The following RBFOX1 variants were observed in gnomAD, a reference collection of about 807,000 sequenced individuals.
The protein encoded by RBFOX1 is RNA binding fox-1 homolog 1, also known as RNA binding protein fox-1 homolog 1.
A neutral mutation model predicts 57.7 loss-of-function variants in RBFOX1; 8 were observed. That is an observed-to-expected ratio of 0.14 (90% CI 0.08 to 0.25). The LOEUF is 0.25. Among genes scored for constraint, RBFOX1 ranks in the 10% least tolerant of loss-of-function variants. The pLI, the probability that RBFOX1 is intolerant of heterozygous loss-of-function variation, is 1.00. For synonymous variants in RBFOX1, 326 were observed against 222.4 expected (o/e 1.47, Z -4.15); for missense variants, 611 against 548.5 (o/e 1.11, Z -1.14).
chr16:5,391,030 G>T (rs1348066361), intron 1 of RBFOX1, among the ~76,000 whole-genome samples: 2 of 152,156 alleles, frequency 1.3e-5, no homozygotes, highest in African/African-American at 2.4e-5. Flanking sequence ...AACCAACAGG[G>T]TACAGTGTCT....
chr16:5,480,052 G>A (rs979901905), intron 2 of RBFOX1, among the ~76,000 whole-genome samples: 4 of 152,106 alleles, frequency 2.6e-5, no homozygotes, highest in African/African-American at 9.7e-5. Flanking sequence ...GTGGTGTTCT[G>A]CATCCAGGCT....
At chr16:7,603,284 T>G (rs530361639) in intron 9 of RBFOX1, among the ~76,000 whole-genome samples, 1 of 152,344 alleles carries the variant, frequency 6.6e-6, no homozygotes, top group East Asian at 1.9e-4. Context: ...TCCTTTAGTT[T>G]CTTTAGAGAA....
At position 5,945,034 on chromosome 16, in the gene RBFOX1, C is replaced by T. The variant is rs182527870; in HGVS notation, c.351+77699C>T. On this transcript the variant is annotated intron_variant, in intron 4 of 19. Transcript: ENST00000641259. ...GAGAGAGAAAACCATTCTCACCTCC[C>T]TTGCTGGGCTTCTTCTGGAGGGAGA... 2.1e-3 allele frequency among the ~76,000 whole-genome samples: 311 copies of T among 150,616 alleles called. 1 individual carries two copies. Among genetic ancestry groups the T allele is most frequent in the African/African-American group, 7.2e-3 (296 of 41,074 alleles).
intron 2 of RBFOX1, among the ~76,000 whole-genome samples, chr16:6,468,538 C>T (rs1258024085): frequency 1.3e-5 from 2 of 151,974 alleles, no homozygotes; most frequent in South Asian, 2.1e-4. Flanking sequence ...GGTATAGCAC[C>T]TTCTGTTTTA....
intron 1 of RBFOX1, among the ~76,000 whole-genome samples, chr16:6,059,454 A>T (rs906039032): frequency 6.6e-6 from 1 of 152,316 alleles, no homozygotes; most frequent in Middle Eastern, 3.4e-3. Context: ...TAAAGAAAAT[A>T]CATATAACAT....
At chr16:6,102,947 G>C (rs1399523190) in intron 1 of RBFOX1, among the ~76,000 whole-genome samples, 2 of 152,158 alleles carry the variant, frequency 1.3e-5, no homozygotes, top group South Asian at 2.1e-4. Flanking sequence ...AGGCTTCTTA[G>C]AGTGTTCAGG....
intron 1 of RBFOX1, among the ~76,000 whole-genome samples, chr16:5,263,342 C>G (rs903641331): frequency 6.6e-6 from 1 of 151,992 alleles, no homozygotes; most frequent in African/African-American, 2.4e-5. Context: ...TTGCACCAAC[C>G]TAATGCGATG....
chr16:5,706,312 T>C (rs1195631730), intron 3 of RBFOX1, among the ~76,000 whole-genome samples: 1 of 152,216 alleles, frequency 6.6e-6, no homozygotes, highest in Non-Finnish European at 1.5e-5. Flanking sequence ...TTTCCTGATG[T>C]AGCATGTCTG....
At chr16:7,595,776 T>A (rs958468467) in intron 8 of RBFOX1, 135 bp downstream of exon 8, 99 of 333,120 alleles carry the variant, frequency 3.0e-4, no homozygotes, top group South Asian at 6.5e-4. Context: ...ATATATATAT[T>A]TTTATATATA....
intron 4 of RBFOX1, among the ~76,000 whole-genome samples, chr16:7,435,269 T>C (rs1431774916): frequency 6.6e-6 from 1 of 152,080 alleles, no homozygotes. Flanking sequence ...AGCAGGTGTT[T>C]TGTAGTGTGT....
intron 3 of RBFOX1, among the ~76,000 whole-genome samples, chr16:5,792,527 G>A (rs2054735630): frequency 6.6e-6 from 1 of 152,178 alleles, no homozygotes; most frequent in Non-Finnish European, 1.5e-5. Flanking sequence ...GTAAGGTAGA[G>A]AAAAGAAAAT....
intron 1 of RBFOX1, among the ~76,000 whole-genome samples, chr16:5,407,187 T>G (rs2066890394): frequency 1.3e-5 from 2 of 151,996 alleles, no homozygotes; most frequent in Non-Finnish European, 2.9e-5. Context: ...TATAAAACCA[T>G]CAGATCTCTG....
At chr16:5,816,244 C>T (rs1477442620) in intron 3 of RBFOX1, among the ~76,000 whole-genome samples, 3 of 152,190 alleles carry the variant, frequency 2.0e-5, no homozygotes, top group Non-Finnish European at 2.9e-5. Context: ...GGAATACCTT[C>T]TCCCCTTGGC....
intron 2 of RBFOX1, among the ~76,000 whole-genome samples, chr16:6,477,077 C>A (rs907687402): frequency 6.6e-6 from 1 of 152,202 alleles, no homozygotes; most frequent in Non-Finnish European, 1.5e-5. Flanking sequence ...GCTATTTCCT[C>A]CACATTTCCA....
chr16:6,789,373 G>A (rs2154246525), intron 3 of RBFOX1, among the ~76,000 whole-genome samples: 1 of 152,270 alleles, frequency 6.6e-6, no homozygotes, highest in South Asian at 2.1e-4. Flanking sequence ...ATGTTACAAT[G>A]TTAAGGGGTC....
At chr16:6,767,947 T>TAATAATAAGAAGAAGAAGAAGAAGAAG (rs1410744665) in intron 3 of RBFOX1, among the ~76,000 whole-genome samples, 30 of 101,016 alleles carry the variant, frequency 3.0e-4, no homozygotes, top group African/African-American at 1.2e-3. Context: ...ATAATAATAA[T>TAATAATAAGAAGAAGAAGAAGAAGAAG]AAGAAGAAGA....
At chr16:5,650,181 G>T (rs560414622) in intron 3 of RBFOX1, among the ~76,000 whole-genome samples, 1 of 152,188 alleles carries the variant, frequency 6.6e-6, no homozygotes, top group African/African-American at 2.4e-5. Flanking sequence ...TGAAATAGTC[G>T]TAAGACGAGG....
At chr16:6,036,322 G>A (rs1298075477) in intron 1 of RBFOX1, among the ~76,000 whole-genome samples, 1 of 152,084 alleles carries the variant, frequency 6.6e-6, no homozygotes, top group African/African-American at 2.4e-5. Flanking sequence ...CTCTGGGAAG[G>A]CAACACAGGT....
At chr16:7,008,159 A>G (rs150412652) in intron 3 of RBFOX1, among the ~76,000 whole-genome samples, 132 of 152,276 alleles carry the variant, frequency 8.7e-4, no homozygotes, top group African/African-American at 3.1e-3. Context: ...GCATAATCAG[A>G]ATAGTTGTTA....
Sources: gnomAD v4.1 joint callset for allele counts (sites outside exome capture counted in the v4.1 genomes callset) on GRCh38, gnomAD v4.1.1 for gene constraint, MANE v1.5 for transcripts, NCBI Gene and HGNC (gene_info 2026-07-23, HGNC 2026-07-21) for gene names.